METTL8: variants seen among roughly 807,000 people sequenced by gnomAD.
METTL8 encodes the protein tRNA N(3)-cytidine methyltransferase METTL8, mitochondrial.
In METTL8, 32 loss-of-function variants were observed where a neutral mutation model predicts 48.7. That is an observed-to-expected ratio of 0.66 (90% CI 0.50 to 0.88). The LOEUF (loss-of-function observed/expected upper bound fraction) is 0.88. Ranked by LOEUF, METTL8 falls within the 40% of genes least tolerant of loss-of-function variation. METTL8 has a pLI of 0.00. For synonymous variants in METTL8, 136 were observed against 157.1 expected, an observed-to-expected ratio of 0.87 and a Z score of 1.01; for missense variants, 464 against 474.4, an observed-to-expected ratio of 0.98 and a Z score of 0.20.
At chr2:171,375,215 G>A (rs1686831766) in intron 2 of METTL8, 11 of 1,346,778 alleles carry the variant, frequency 8.2e-6, no homozygotes, top group African/African-American at 1.4e-5. Flanking sequence ...TTAGTGCAGC[G>A]AATAGGATGC....
intron 2 of METTL8, among the ~76,000 whole-genome samples, chr2:171,363,580 T>C (rs1327677340): frequency 4.0e-5 from 6 of 151,548 alleles, no homozygotes; most frequent in African/African-American, 1.5e-4. Context: ...AGAAATTCTG[T>C]ACAGGGAAAT....
chr2:171,375,075 A>G (rs1686812688), intron 2 of METTL8: 10 of 1,158,196 alleles, frequency 8.6e-6, no homozygotes, highest in East Asian at 2.3e-5. Flanking sequence ...ATAGCTTCAC[A>G]TACAGCTTGG....
intron 7 of METTL8, 68 bp downstream of exon 7, chr2:171,330,491 A>G (rs1283684446): frequency 1.4e-6 from 2 of 1,461,934 alleles, no homozygotes; most frequent in African/African-American, 1.4e-5. Flanking sequence ...TTTTGCTTTG[A>G]TAGTTCTGAA....
rs1173476517 is a variant in METTL8, at chr2:171,316,715, A to G, written c.*7457T>C. Reference sequence around the variant, plus strand: ...GTAGAAAGTCAAAGTAAAGATATAAATATTAAAATAAATGAGGGCTGCGAA... The same window carrying G: ...GTAGAAAGTCAAAGTAAAGATATAAGTATTAAAATAAATGAGGGCTGCGAA... On this transcript the variant is annotated 3_prime_UTR_variant, in exon 10 of 10. Transcript: ENST00000375258. 1.3e-5 allele frequency among the ~76,000 whole-genome samples: 2 copies of G among 152,268 alleles called. No homozygotes were observed. The highest frequency in any genetic ancestry group is 4.8e-5 in the African/African-American group (2 of 41,470).
chr2:171,361,351 C>T (rs988630484), intron 2 of METTL8, among the ~76,000 whole-genome samples: 1 of 151,316 alleles, frequency 6.6e-6, no homozygotes, highest in African/African-American at 2.4e-5. Context: ...AAATTACACA[C>T]CCCATATTCA....
chr2:171,334,352 A>G (rs923037340), intron 5 of METTL8, among the ~76,000 whole-genome samples: 1 of 152,178 alleles, frequency 6.6e-6, no homozygotes, highest in African/African-American at 2.4e-5. Context: ...GTGACCACCC[A>G]GTGACTTTCC....
intron 2 of METTL8, among the ~76,000 whole-genome samples, chr2:171,385,670 G>A (rs541503994): frequency 6.6e-6 from 1 of 152,324 alleles, no homozygotes; most frequent in South Asian, 2.1e-4. Flanking sequence ...CTATGAAGAT[G>A]GATGGCTGTC....
At chr2:171,340,618 T>C (rs1201819851) in intron 3 of METTL8, among the ~76,000 whole-genome samples, 1 of 151,444 alleles carries the variant, frequency 6.6e-6, no homozygotes, top group East Asian at 1.9e-4. Context: ...TATTTACAAA[T>C]ACAATTTCAG....
At chr2:171,432,526 A>G (rs931884424) in intron 1 of METTL8, among the ~76,000 whole-genome samples, 2 of 152,234 alleles carry the variant, frequency 1.3e-5, no homozygotes, top group Non-Finnish European at 2.9e-5. Context: ...CATTTAAGCC[A>G]AAGAAAACCC....
chr2:171,379,865 T>G (rs1295712626), intron 2 of METTL8, among the ~76,000 whole-genome samples: 5 of 152,122 alleles, frequency 3.3e-5, no homozygotes, highest in African/African-American at 7.2e-5. Context: ...TACAAACAAT[T>G]GAAAAGGAGG....
chr2:171,343,269 A>G (rs1418649689), intron 3 of METTL8, among the ~76,000 whole-genome samples: 2 of 152,076 alleles, frequency 1.3e-5, no homozygotes, highest in Non-Finnish European at 2.9e-5. Flanking sequence ...GAGAAACCCC[A>G]TCTCTACTAA....
intron 3 of METTL8, among the ~76,000 whole-genome samples, chr2:171,341,832 T>C (rs968479504): frequency 1.7e-5 from 2 of 114,390 alleles, no homozygotes; most frequent in South Asian, 2.5e-4. Flanking sequence ...GAAATATTCA[T>C]GTACACACAC....
chr2:171,330,304 A>G (rs1173067097), intron 7 of METTL8, among the ~76,000 whole-genome samples: 1 of 152,224 alleles, frequency 6.6e-6, no homozygotes, highest in African/African-American at 2.4e-5. Flanking sequence ...GTCACTTTTA[A>G]TAGGTATGTG....
intron 1 of METTL8, among the ~76,000 whole-genome samples, chr2:171,404,159 C>T (rs1689949022): frequency 7.2e-6 from 1 of 138,912 alleles, no homozygotes; most frequent in Non-Finnish European, 1.5e-5. Context: ...AAACAGAACA[C>T]TTGTAACAAT....
chr2:171,334,305 G>C (rs533120634), intron 5 of METTL8, among the ~76,000 whole-genome samples: 15 of 152,104 alleles, frequency 9.9e-5, no homozygotes, highest in Non-Finnish European at 2.1e-4. Context: ...CTCTAAGATG[G>C]AATTCCCACT....
intron 1 of METTL8, among the ~76,000 whole-genome samples, chr2:171,397,616 GA>G (rs551015992): frequency 4.4e-4 from 65 of 149,132 alleles, no homozygotes; most frequent in African/African-American, 1.5e-3. Context: ...GCAAAGCAGG[GA>G]AAAATCAAAG....
intron 1 of METTL8, among the ~76,000 whole-genome samples, chr2:171,398,967 G>C (rs1689383478): frequency 6.6e-6 from 1 of 152,142 alleles, no homozygotes; most frequent in South Asian, 2.1e-4. Flanking sequence ...AGGTGTTTCA[G>C]TTTTTTAAAA....
At chr2:171,348,504 G>T (rs1683537746) in intron 3 of METTL8, among the ~76,000 whole-genome samples, 1 of 152,134 alleles carries the variant, frequency 6.6e-6, no homozygotes, top group African/African-American at 2.4e-5. Context: ...TTACACTGAT[G>T]TTGCCACAAG....
In METTL8 at chr2:171,384,269, A is replaced by C. The variant is rs138448334; in HGVS notation, c.143+7774T>G. 5.7e-4 allele frequency among the ~76,000 whole-genome samples: 87 copies of C among 152,340 alleles called. 1 individual carries two copies. The East Asian group carries it at 0.016, about 28-fold the overall frequency. On this transcript the variant is annotated intron_variant, in intron 2 of 9. Transcript: ENST00000375258. ...ACGTCTGTAATCCCAGCACATTGGG[A>C]GGCTGAGGCAGGTGGATCACTCGAG... is the stretch of plus-strand genomic sequence containing the variant.
Sources: gnomAD v4.1 joint callset for allele counts (sites outside exome capture counted in the v4.1 genomes callset) on GRCh38, gnomAD v4.1.1 for gene constraint, MANE v1.5 for transcripts, NCBI Gene and HGNC (gene_info 2026-07-23, HGNC 2026-07-21) for gene names.